Variants in DERA observed in about 807,000 individuals in gnomAD.
The protein encoded by DERA is deoxyribose-phosphate aldolase, also known as 2-deoxy-D-ribose 5-phosphate aldolase.
Under a neutral mutation model 41.1 loss-of-function variants are expected in DERA, and 15 were observed. The ratio of observed to expected loss-of-function variants is 0.37; its 90% CI spans 0.24 to 0.56. DERA has a LOEUF of 0.56. Among genes scored for constraint, DERA ranks in the 20% least tolerant of loss-of-function variants. The pLI, the probability that DERA is intolerant of heterozygous loss-of-function variation, is 0.81. For missense variants in DERA, 396 were observed against 403.4 expected (o/e 0.98, Z 0.16); for synonymous variants, 139 against 137.4 (o/e 1.01, Z -0.08).
At chr12:15,977,897 G>T (rs1452327211) in intron 5 of DERA, among the ~76,000 whole-genome samples, 1 of 152,194 alleles carries the variant, frequency 6.6e-6, no homozygotes, top group Non-Finnish European at 1.5e-5. Flanking sequence ...ATCCTTTAGA[G>T]TAATTATTCC....
At position 15,931,186 on chromosome 12, in the gene DERA, G is replaced by A. The variant is rs113862573; in HGVS notation, c.31+19772G>A. Among the ~76,000 whole-genome samples the A allele has an allele frequency of 1.4e-4, 22 of 152,330 alleles. No homozygotes were observed. The highest frequency in any genetic ancestry group is 5.3e-4 in the African/African-American group (22 of 41,572). On this transcript the variant is annotated intron_variant, in intron 1 of 8. Coordinates refer to ENST00000428559, the MANE Select transcript of DERA (RefSeq NM_015954.4). The surrounding 1 kb of genome is among the most constrained non-coding windows in gnomAD (Gnocchi z 4.6). Reference sequence around the variant, plus strand: ...GCAGTCACTCTAACTTGCGTGACTAGCACAACATCCAGCATAAATAGCAGC... The same window carrying A: ...GCAGTCACTCTAACTTGCGTGACTAACACAACATCCAGCATAAATAGCAGC...
At chr12:15,937,753 AGTTT>A (rs1948379352) in intron 1 of DERA, among the ~76,000 whole-genome samples, 1 of 151,784 alleles carries the variant, frequency 6.6e-6, no homozygotes, top group South Asian at 2.1e-4. Flanking sequence ...TTTCTTTTTA[AGTTT>A]GTTTATCAAG....
At chr12:16,025,526 C>T (rs111788381) in intron 6 of DERA, among the ~76,000 whole-genome samples, 236 of 152,066 alleles carry the variant, frequency 1.6e-3, no homozygotes, top group African/African-American at 4.8e-3. Context: ...TATGTATGCA[C>T]CTAGCCACAG....
chr12:15,945,440 C>A (rs548301678), intron 1 of DERA, among the ~76,000 whole-genome samples: 18 of 152,242 alleles, frequency 1.2e-4, no homozygotes, highest in African/African-American at 3.9e-4. Context: ...TGAAGAGGTC[C>A]TTCACATCCC....
rs551712755 is a variant in DERA, at chr12:16,022,282, G to A, written c.638-10260G>A. Among the ~76,000 whole-genome samples, 17 of 152,262 alleles carry A rather than the reference G, an allele frequency of 1.1e-4. No individual in the cohort carries two copies. The South Asian group carries it at 1.5e-3, about 13-fold the overall frequency. On this transcript the variant is annotated intron_variant, in intron 6 of 8. Coordinates refer to ENST00000428559, the MANE Select transcript of DERA (RefSeq NM_015954.4). Reference sequence around the variant, plus strand: ...CTCCTGCTCTTGCCATGTGACATGTGTGCTCCCTCTTTGCCTTCTGCCATG... The same window carrying A: ...CTCCTGCTCTTGCCATGTGACATGTATGCTCCCTCTTTGCCTTCTGCCATG...
In DERA at chr12:15,995,696, G is replaced by C. The variant is rs546277094; in HGVS notation, c.637+13260G>C. 7.2e-5 allele frequency among the ~76,000 whole-genome samples: 11 copies of C among 152,134 alleles called. No individual in the cohort carries two copies. Among genetic ancestry groups the C allele is most frequent in the Non-Finnish European group, 1.3e-4 (9 of 68,008 alleles). ...TGGAGGGGTATGGGAGAATGGAAGT[G>C]GTATCAGAATATTTAGAGGGAAGTC... On this transcript the variant is annotated intron_variant, in intron 6 of 8. Coordinates refer to ENST00000428559, the MANE Select transcript of DERA (RefSeq NM_015954.4). This position sits in a 1 kb window ranked among gnomAD's most constrained non-coding sequence, Gnocchi z 5.1.
chr12:15,999,813 C>T lies in DERA; in HGVS notation c.637+17377C>T, dbSNP rs1321013741. ...GTCGTTAGGATTTATTGGAAGTTTGCTGTATGTCAGACACTGGATGACAAA... is the reference window on the plus strand; with the variant it reads ...GTCGTTAGGATTTATTGGAAGTTTGTTGTATGTCAGACACTGGATGACAAA... On this transcript the variant is annotated intron_variant, in intron 6 of 8. Transcript: ENST00000428559. The surrounding 1 kb of genome is among the most constrained non-coding windows in gnomAD (Gnocchi z 5.3). Among the ~76,000 whole-genome samples, 1 of 152,146 alleles carries T rather than the reference C, an allele frequency of 6.6e-6. No individual in the cohort carries two copies. The highest frequency in any genetic ancestry group is 1.5e-5 in the Non-Finnish European group (1 of 68,038).
At chr12:15,975,228 G>A (rs1010584876) in intron 5 of DERA, among the ~76,000 whole-genome samples, 2 of 152,202 alleles carry the variant, frequency 1.3e-5, no homozygotes, top group Non-Finnish European at 1.5e-5. Flanking sequence ...ACAACTTGGT[G>A]GGTGGAGGAA....
chr12:15,971,984 A>C (rs938272954), intron 5 of DERA: 5 of 228,168 alleles, frequency 2.2e-5, no homozygotes, highest in Non-Finnish European at 3.5e-5. Flanking sequence ...CAAACAGTAT[A>C]GCACATCTGG....
chr12:15,914,792 T>C (rs1405370258), intron 1 of DERA, among the ~76,000 whole-genome samples: 1 of 152,180 alleles, frequency 6.6e-6, no homozygotes, highest in East Asian at 1.9e-4. Flanking sequence ...GTATTTTTTT[T>C]CGAGACAGAG....
At position 15,966,775 on chromosome 12, in the gene DERA, CTGTG is replaced by C. The variant is rs1948626254; in HGVS notation, c.508+3829_508+3832del. Among the ~76,000 whole-genome samples the C allele has an allele frequency of 5.3e-5, 8 of 152,098 alleles. No homozygotes were observed. The highest frequency in any genetic ancestry group is 3.9e-4 in the Admixed American group (6 of 15,280). ...GTCCATGTTTCTCAGAATCTGAGAACTGTGGTTCTCAGATTCTGTCCCAGTGTGA... is the reference window on the plus strand; with the variant it reads ...GTCCATGTTTCTCAGAATCTGAGAACGTTCTCAGATTCTGTCCCAGTGTGA... On this transcript the variant is annotated intron_variant, in intron 5 of 8. Transcript: ENST00000428559. This position sits in a 1 kb window ranked among gnomAD's most constrained non-coding sequence, Gnocchi z 5.1.
At chr12:15,932,428 T>G (rs1948335169) in intron 1 of DERA, among the ~76,000 whole-genome samples, 1 of 152,066 alleles carries the variant, frequency 6.6e-6, no homozygotes, top group African/African-American at 2.4e-5. Context: ...GGAGGGAAGA[T>G]CACTTGAGTC....
At chr12:16,030,231 C>A (rs1949083661) in intron 6 of DERA, among the ~76,000 whole-genome samples, 1 of 151,888 alleles carries the variant, frequency 6.6e-6, no homozygotes, top group South Asian at 2.1e-4. Context: ...CACGTCCAGC[C>A]AGTAGCCTTG....
At position 15,988,442 on chromosome 12, in the gene DERA, A is replaced by G. The variant is rs761633010; in HGVS notation, c.637+6006A>G. Among the ~76,000 whole-genome samples the G allele has an allele frequency of 2.3e-4, 35 of 152,324 alleles. No homozygotes were observed. Among genetic ancestry groups the G allele is most frequent in the Non-Finnish European group, 4.7e-4 (32 of 68,026 alleles). ...AGGCAGGTCATCCCAACAAGTGTCCAGCTCTCAGTAGAGAGGAGACCTGTA... is the reference window on the plus strand; with the variant it reads ...AGGCAGGTCATCCCAACAAGTGTCCGGCTCTCAGTAGAGAGGAGACCTGTA... On this transcript the variant is annotated intron_variant, in intron 6 of 8. Transcript: ENST00000428559. This position sits in a 1 kb window ranked among gnomAD's most constrained non-coding sequence, Gnocchi z 6.0.
At position 16,036,491 on chromosome 12, in the gene DERA, C is replaced by A; in HGVS notation, c.900+110C>A. 3 of 1,270,854 alleles carry A rather than the reference C, an allele frequency of 2.4e-6. No individual in the cohort carries two copies. The highest frequency in any genetic ancestry group is 2.4e-5 in the East Asian group (1 of 40,904). 78.7% of individuals were successfully genotyped at this position (1,270,854 alleles called of 1,614,324 possible). A position where few individuals can be genotyped will look rare whatever the true frequency, so the allele number is the denominator to read the frequency against. On this transcript the variant is annotated intron_variant, in intron 8 of 8. Transcript: ENST00000428559. The surrounding 1 kb of genome is among the most constrained non-coding windows in gnomAD (Gnocchi z 4.9). ...AAAAACTCATCTGATTGACCTCATCCTACCCAATCCTCTACCTTTTCTTCC... is the reference window on the plus strand; with the variant it reads ...AAAAACTCATCTGATTGACCTCATCATACCCAATCCTCTACCTTTTCTTCC...
At chr12:15,933,736 C>CT (rs1178998690) in intron 1 of DERA, among the ~76,000 whole-genome samples, 3 of 152,108 alleles carry the variant, frequency 2.0e-5, no homozygotes, top group African/African-American at 7.2e-5. Context: ...TTTGAAATGT[C>CT]TGTCTTCTCC....
rs756585715 is a variant in DERA at position 15,940,496 on chromosome 12, C to T, written c.32-16440C>T. ...CCTCTCGAGTAGCTGGGACTACAGG[C>T]GCATGCCACCACACCTGGCTGATTT... On this transcript the variant is annotated intron_variant, in intron 1 of 8. Transcript: ENST00000428559. The surrounding 1 kb of genome is among the most constrained non-coding windows in gnomAD (Gnocchi z 5.1). Among the ~76,000 whole-genome samples, 30 of 152,116 alleles carry T rather than the reference C, an allele frequency of 2.0e-4. No homozygotes were observed. Among genetic ancestry groups the T allele is most frequent in the East Asian group, 5.8e-4 (3 of 5,174 alleles).
In DERA at chr12:15,911,408, G is replaced by A. The variant is rs1472005290; in HGVS notation, c.25G>A (p.Glu9Lys). The change falls in exon 1 of 9, where the codon GAG becomes AAG. Residue 9 changes from glutamate to lysine, a missense_variant. Physicochemically the swap from Glu to Lys is moderately conservative, Grantham distance 56. Transcript: ENST00000428559. The surrounding 1 kb of genome is among the most constrained non-coding windows in gnomAD (Gnocchi z 4.5). ...CATGTCCGCGCACAATCGGGGCACC[G>A]AGCTCGGTAAGGGGCCCGCGGGGCT... MSAHNRGT[E>K]LDLSWISKIQ... 7 of 1,405,996 alleles carry A rather than the reference G, an allele frequency of 5.0e-6. No homozygotes were observed. Among genetic ancestry groups the A allele is most frequent in the Non-Finnish European group, 5.5e-6 (6 of 1,091,102 alleles). The allele number at this position is 1,405,996 out of a possible 1,614,324, so 87.1% of individuals were successfully genotyped here. A position where few individuals can be genotyped will look rare whatever the true frequency, so the allele number is the denominator to read the frequency against.
At chr12:15,933,048 A>G (rs1948340800) in intron 1 of DERA, among the ~76,000 whole-genome samples, 1 of 152,052 alleles carries the variant, frequency 6.6e-6, no homozygotes, top group South Asian at 2.1e-4. Context: ...GGTTTACTAC[A>G]TTTTCTTTAT....
Sources: gnomAD v4.1 joint callset for allele counts (sites outside exome capture counted in the v4.1 genomes callset) on GRCh38, gnomAD v4.1.1 for gene constraint, Gnocchi (gnomAD v3.1) non-coding constraint, MANE v1.5 for transcripts, NCBI Gene and HGNC (gene_info 2026-07-23, HGNC 2026-07-21) for gene names.